Variants in GPC6 observed in about 807,000 individuals in gnomAD.
GPC6 encodes the protein glypican 6.
Under a neutral mutation model 55.2 loss-of-function variants are expected in GPC6, and 14 were observed. The observed-to-expected ratio is 0.25, with a 90% CI of 0.17 to 0.40. The LOEUF is 0.40. Ranked by LOEUF, GPC6 falls within the 10% of genes least tolerant of loss-of-function variation. GPC6 has a pLI of 1.00. For missense variants in GPC6, 641 were observed against 708.5 expected (o/e 0.90, Z 1.08); for synonymous variants, 278 against 259.6 (o/e 1.07, Z -0.68).
chr13:93,834,140 C>T (rs148935419), intron 3 of GPC6, among the ~76,000 whole-genome samples: 6 of 152,216 alleles, frequency 3.9e-5, no homozygotes, highest in African/African-American at 9.6e-5. Flanking sequence ...CAATTTCATC[C>T]GGATAAACTG....
intron 2 of GPC6, among the ~76,000 whole-genome samples, chr13:93,728,178 C>T (rs1340430448): frequency 1.3e-5 from 2 of 151,002 alleles, no homozygotes; most frequent in Admixed American, 6.7e-5. Flanking sequence ...TCTTCAGAGT[C>T]TCACTATTTC....
At chr13:94,388,619 A>G (rs1007503323) in intron 7 of GPC6, among the ~76,000 whole-genome samples, 4 of 152,232 alleles carry the variant, frequency 2.6e-5, no homozygotes, top group Admixed American at 6.5e-5. Context: ...CACAGATATA[A>G]TAGACTAAAC....
chr13:93,962,021 C>T (rs1879800739), intron 3 of GPC6, among the ~76,000 whole-genome samples: 1 of 152,134 alleles, frequency 6.6e-6, no homozygotes, highest in African/African-American at 2.4e-5. Context: ...CATTCCTAGT[C>T]CTCACAACAG....
chr13:93,644,078 C>T (rs968206932), intron 2 of GPC6, among the ~76,000 whole-genome samples: 2 of 152,048 alleles, frequency 1.3e-5, no homozygotes, highest in African/African-American at 2.4e-5. Flanking sequence ...TATTATTTTT[C>T]ACTAAGTACA....
intron 6 of GPC6, among the ~76,000 whole-genome samples, chr13:94,326,590 C>T (rs540423549): frequency 6.6e-6 from 1 of 152,298 alleles, no homozygotes; most frequent in South Asian, 2.1e-4. Context: ...CACGTAAATA[C>T]AGCCTCCCCA....
chr13:93,891,647 ACACT>A lies in GPC6; in HGVS notation c.711+61103_711+61106del, dbSNP rs1158199542. On this transcript the variant is annotated intron_variant, in intron 3 of 8. Transcript: ENST00000377047. ...GTTCATTAACCATTTATATACACAC[ACACT>A]ATGTACACACACACATTCTATACAC... 3.4e-5 allele frequency among the ~76,000 whole-genome samples: 5 copies of A among 146,686 alleles called. No homozygotes were observed. The East Asian group carries it at 9.7e-4, about 28-fold the overall frequency.
chr13:93,781,736 A>T (rs1329630573), intron 2 of GPC6, among the ~76,000 whole-genome samples: 1 of 152,196 alleles, frequency 6.6e-6, no homozygotes, highest in Non-Finnish European at 1.5e-5. Flanking sequence ...ATAGATAAAG[A>T]AAATATTTTA....
chr13:94,202,617 C>T (rs1889788421), intron 4 of GPC6, among the ~76,000 whole-genome samples: 1 of 152,110 alleles, frequency 6.6e-6, no homozygotes. Context: ...AGCTACAATT[C>T]AAGATGAGAT....
At chr13:93,470,634 T>C (rs756774207) in intron 1 of GPC6, among the ~76,000 whole-genome samples, 2 of 152,142 alleles carry the variant, frequency 1.3e-5, no homozygotes, top group African/African-American at 2.4e-5. Context: ...GGACTTGATA[T>C]CATGGTAATG....
chr13:93,895,202 A>G (rs1265469003), intron 3 of GPC6, among the ~76,000 whole-genome samples: 3 of 121,948 alleles, frequency 2.5e-5, no homozygotes, highest in South Asian at 2.8e-4. Context: ...GTCCATATAT[A>G]TGTGTGTGTG....
Position 94,156,092 on chromosome 13 carries a change from T to C in GPC6, c.877+128198T>C, listed in dbSNP as rs77995756. ...CCAACATCAAAACACCTTTGGCTTT[T>C]CCATATCTCTGCCATAGGACATACT... On this transcript the variant is annotated intron_variant, in intron 4 of 8. Transcript: ENST00000377047. Among the ~76,000 whole-genome samples the C allele has an allele frequency of 5.2e-3, 790 of 152,278 alleles. 9 individuals carry two copies. The highest frequency in any genetic ancestry group is 0.018 in the African/African-American group (756 of 41,548).
chr13:93,867,764 A>G (rs930301680), intron 3 of GPC6, among the ~76,000 whole-genome samples: 1 of 151,698 alleles, frequency 6.6e-6, no homozygotes, highest in Non-Finnish European at 1.5e-5. Flanking sequence ...TAGCACCACA[A>G]CTTTTAGTGT....
At chr13:94,134,863 A>T (rs1887126328) in intron 4 of GPC6, among the ~76,000 whole-genome samples, 1 of 152,192 alleles carries the variant, frequency 6.6e-6, no homozygotes, top group African/African-American at 2.4e-5. Context: ...TTATTTTCAC[A>T]ATCTGAAGAC....
At chr13:93,278,302 G>A (rs1407868631) in intron 1 of GPC6, among the ~76,000 whole-genome samples, 1 of 151,952 alleles carries the variant, frequency 6.6e-6, no homozygotes, top group East Asian at 1.9e-4. Flanking sequence ...CATTAAATTT[G>A]CCATCTTAAC....
chr13:94,110,189 G>A (rs750681897), intron 4 of GPC6, among the ~76,000 whole-genome samples: 1 of 151,830 alleles, frequency 6.6e-6, no homozygotes, highest in African/African-American at 2.4e-5. Flanking sequence ...GGATACGAGC[G>A]TAGAAAATTA....
intron 1 of GPC6, among the ~76,000 whole-genome samples, chr13:93,515,727 A>G (rs1881165521): frequency 1.3e-5 from 2 of 152,220 alleles, no homozygotes; most frequent in Non-Finnish European, 2.9e-5. Context: ...GTGACGTATC[A>G]TGTTAAATAA....
intron 2 of GPC6, among the ~76,000 whole-genome samples, chr13:93,625,289 G>A (rs1879155765): frequency 1.3e-5 from 2 of 152,046 alleles, no homozygotes; most frequent in South Asian, 2.1e-4. Flanking sequence ...TAAAAGAGTG[G>A]AAATGTCAAA....
At chr13:93,930,856 G>A (rs1479074659) in intron 3 of GPC6, among the ~76,000 whole-genome samples, 6 of 152,062 alleles carry the variant, frequency 3.9e-5, no homozygotes, top group Admixed American at 3.9e-4. Context: ...ACAATTCTAT[G>A]GGCTGTACAG....
At chr13:93,732,777 G>A (rs9524180) in intron 2 of GPC6, among the ~76,000 whole-genome samples, 139,805 of 152,194 alleles carry the variant, frequency 0.92, 64,349 homozygotes, top group Admixed American at 0.96. Context: ...AGTCATGTGT[G>A]TGATTTTAAA....
Sources: allele counts gnomAD v4.1 joint callset (sites outside exome capture counted in the v4.1 genomes callset), GRCh38; gene constraint gnomAD v4.1.1; transcripts MANE v1.5; gene names NCBI Gene and HGNC (gene_info 2026-07-23, HGNC 2026-07-21).